The following ASB3 variants were observed in gnomAD, a reference collection of about 807,000 sequenced individuals.
ASB3 encodes ankyrin repeat and SOCS box containing 3.
Under a neutral mutation model 54.5 loss-of-function variants are expected in ASB3, and 41 were observed. The observed-to-expected ratio is 0.75, with a 90% confidence interval of 0.59 to 0.98. ASB3 has a LOEUF of 0.98. Ranked by LOEUF, ASB3 falls within the 50% of genes least tolerant of loss-of-function variation. The pLI, the probability that ASB3 is intolerant of heterozygous loss-of-function variation, is 0.00. For missense variants in ASB3, 733 were observed against 620.0 expected (o/e 1.18, Z -1.94); for synonymous variants, 266 against 221.2 (o/e 1.20, Z -1.80).
intron 2 of ASB3, among the ~76,000 whole-genome samples, chr2:53,761,424 T>C (rs1032341075): frequency 6.7e-6 from 1 of 149,774 alleles, no homozygotes; most frequent in African/African-American, 2.5e-5. Flanking sequence ...ATCCTGCAAA[T>C]GAAAAAAAAA....
chr2:53,728,033 G>A (rs939677491), intron 5 of ASB3, among the ~76,000 whole-genome samples: 1 of 151,984 alleles, frequency 6.6e-6, no homozygotes, highest in African/African-American at 2.4e-5. Context: ...GCCAAAAAAA[G>A]CCTAGGTATT....
chr2:53,670,765 T>C (rs1667769966), intron 9 of ASB3, 75 bp from the exon 10 acceptor site: 1 of 1,488,636 alleles, frequency 6.7e-7, no homozygotes, highest in African/African-American at 1.4e-5. Context: ...TAAATTTTTT[T>C]TTCCCCCAAC....
chr2:53,733,835 A>G (rs10171954), intron 3 of ASB3, among the ~76,000 whole-genome samples: 82,904 of 152,010 alleles, frequency 0.55, 23,013 homozygotes, highest in African/African-American at 0.63. Flanking sequence ...TTGGAGCTGA[A>G]AGCCTTGAAC....
chr2:53,747,420 C>A lies in ASB3; in HGVS notation c.355+3363G>T, dbSNP rs539924965. 1.1e-4 allele frequency among the ~76,000 whole-genome samples: 16 copies of A among 152,208 alleles called. No individual in the cohort carries two copies. In the East Asian group the frequency reaches 3.1e-3, roughly 29 times the overall value. ...AATTAGCCAGGCGTGGTGGCGGGGG[C>A]TTGTAATCCCAGCTACTCGGGAGGC... is the stretch of plus-strand genomic sequence containing the variant. On this transcript the variant is annotated intron_variant, in intron 3 of 9. Transcript: ENST00000263634.
At chr2:53,752,073 T>C (rs1427924272) in intron 2 of ASB3, among the ~76,000 whole-genome samples, 1 of 152,188 alleles carries the variant, frequency 6.6e-6, no homozygotes, top group Non-Finnish European at 1.5e-5. Context: ...AAGACATATA[T>C]AGATAATAGA....
At chr2:53,720,723 A>G (rs1043752202) in intron 5 of ASB3, among the ~76,000 whole-genome samples, 2 of 152,208 alleles carry the variant, frequency 1.3e-5, no homozygotes, top group Non-Finnish European at 2.9e-5. Context: ...TCAACATTTG[A>G]CCAATTGGAC....
At chr2:53,732,747 T>C (rs1180663790) in intron 3 of ASB3, among the ~76,000 whole-genome samples, 1 of 152,230 alleles carries the variant, frequency 6.6e-6, no homozygotes, top group East Asian at 1.9e-4. Flanking sequence ...CAGAAAAATA[T>C]TATTTTCACA....
intron 3 of ASB3, among the ~76,000 whole-genome samples, chr2:53,745,872 T>A (rs1672194573): frequency 6.6e-6 from 1 of 152,258 alleles, no homozygotes; most frequent in East Asian, 1.9e-4. Context: ...TAAGTCCAAC[T>A]AGTCCAGCTA....
At chr2:53,774,633 AT>A (rs1368956856) in intron 1 of ASB3, 1 of 803,034 alleles carries the variant, frequency 1.2e-6, no homozygotes, top group East Asian at 3.0e-5. Flanking sequence ...TTAAACTTTT[AT>A]TTTAACTGGA....
chr2:53,688,536 G>C (rs994999858), intron 9 of ASB3, among the ~76,000 whole-genome samples: 3 of 152,156 alleles, frequency 2.0e-5, no homozygotes, highest in Admixed American at 6.5e-5. Flanking sequence ...GTCTGTCTTT[G>C]CCACAATGAC....
chr2:53,755,048 A>G (rs867898389), intron 2 of ASB3, among the ~76,000 whole-genome samples: 8 of 152,294 alleles, frequency 5.3e-5, no homozygotes, highest in Non-Finnish European at 8.8e-5. Flanking sequence ...TAATGCTTTA[A>G]TCTCTCCTTA....
chr2:53,774,059 A>G (rs1674149323), intron 1 of ASB3: 1 of 1,345,432 alleles, frequency 7.4e-7, no homozygotes, highest in Admixed American at 2.3e-5. Context: ...AGAATATATG[A>G]GATACTCCCT....
chr2:53,742,630 T>C (rs770205231), intron 3 of ASB3, among the ~76,000 whole-genome samples: 1 of 151,520 alleles, frequency 6.6e-6, no homozygotes, highest in Non-Finnish European at 1.5e-5. Flanking sequence ...TTAAACTGAA[T>C]TCAGAAAATA....
At chr2:53,742,250 T>C (rs752481387) in intron 3 of ASB3, among the ~76,000 whole-genome samples, 1 of 152,028 alleles carries the variant, frequency 6.6e-6, no homozygotes, top group Non-Finnish European at 1.5e-5. Context: ...AAATCCTGAG[T>C]CTAAAGGAAA....
At chr2:53,691,908 G>C (rs1384154476) in intron 9 of ASB3, among the ~76,000 whole-genome samples, 1 of 152,196 alleles carries the variant, frequency 6.6e-6, no homozygotes, top group Non-Finnish European at 1.5e-5. Flanking sequence ...TCCCCAAGCA[G>C]GTTGTAACAA....
chr2:53,707,839 G>C (rs1445714913), intron 7 of ASB3, among the ~76,000 whole-genome samples: 4 of 151,540 alleles, frequency 2.6e-5, no homozygotes, highest in African/African-American at 7.3e-5. Context: ...TCACATACCT[G>C]TAATCCCAGC....
chr2:53,753,714 G>A (rs989960720), intron 2 of ASB3, among the ~76,000 whole-genome samples: 1 of 150,972 alleles, frequency 6.6e-6, no homozygotes, highest in African/African-American at 2.4e-5. Flanking sequence ...TCAGCTCACT[G>A]CAACCTCCAC....
intron 2 of ASB3, among the ~76,000 whole-genome samples, chr2:53,752,309 C>T (rs1572968017): frequency 6.6e-6 from 1 of 152,096 alleles, no homozygotes; most frequent in Admixed American, 6.6e-5. Flanking sequence ...ACCACCAGGA[C>T]AAATTAGGCA....
chr2:53,779,165 T>C (rs1342677698), intron 1 of ASB3, among the ~76,000 whole-genome samples: 2 of 152,248 alleles, frequency 1.3e-5, no homozygotes, highest in Non-Finnish European at 2.9e-5. Flanking sequence ...ATGTATCTGT[T>C]GGCCATTTGT....
Sources: allele counts gnomAD v4.1 joint callset (sites outside exome capture counted in the v4.1 genomes callset), GRCh38; gene constraint gnomAD v4.1.1; transcripts MANE v1.5; gene names NCBI Gene and HGNC (gene_info 2026-07-23, HGNC 2026-07-21).